DENND1B: variants seen among roughly 807,000 people sequenced by gnomAD.
DENND1B encodes DENN domain-containing protein 1B.
Under a neutral mutation model 90.1 loss-of-function variants are expected in DENND1B, and 59 were observed. The observed-to-expected ratio is 0.65, with a 90% CI of 0.53 to 0.81. The LOEUF (loss-of-function observed/expected upper bound fraction) is 0.81. Ranked by LOEUF, DENND1B falls within the 40% of genes least tolerant of loss-of-function variation. The probability of loss-of-function intolerance (pLI) is 0.00; values close to 1 mark genes in which losing one functional copy is unlikely to be tolerated. For synonymous variants in DENND1B, 337 were observed against 324.6 expected, an observed-to-expected ratio of 1.04 and a Z score of -0.41; for missense variants, 862 against 912.6, an observed-to-expected ratio of 0.94 and a Z score of 0.71.
intron 10 of DENND1B, among the ~76,000 whole-genome samples, chr1:197,639,149 C>T (rs1572156177): frequency 1.3e-5 from 2 of 151,778 alleles, no homozygotes; most frequent in South Asian, 4.2e-4. Context: ...CTGCAACCTC[C>T]GTCTCCCGGG....
intron 7 of DENND1B, among the ~76,000 whole-genome samples, chr1:197,650,119 G>C (rs1268198851): frequency 3.3e-5 from 5 of 151,986 alleles, no homozygotes; most frequent in Non-Finnish European, 2.9e-5. Context: ...CATCACTAAT[G>C]AATCAGGGAA....
At chr1:197,535,888 G>T (rs1167357356) in intron 20 of DENND1B, among the ~76,000 whole-genome samples, 2 of 152,020 alleles carry the variant, frequency 1.3e-5, no homozygotes, top group Non-Finnish European at 2.9e-5. Flanking sequence ...TTCAACTGAG[G>T]GCCTATAAGA....
chr1:197,629,316 G>A (rs1679098373), intron 10 of DENND1B, among the ~76,000 whole-genome samples: 1 of 151,954 alleles, frequency 6.6e-6, no homozygotes. Context: ...AGAAAATGTG[G>A]CACATATACA....
intron 5 of DENND1B, among the ~76,000 whole-genome samples, chr1:197,667,390 C>T (rs540048430): frequency 4.6e-5 from 7 of 152,128 alleles, no homozygotes; most frequent in South Asian, 2.1e-4. Context: ...TTCAAGGACA[C>T]GGAATGAAAC....
intron 15 of DENND1B, among the ~76,000 whole-genome samples, chr1:197,566,523 A>ATC (rs1672683969): frequency 6.6e-6 from 1 of 152,200 alleles, no homozygotes; most frequent in East Asian, 1.9e-4. Context: ...CAGCTCTTAG[A>ATC]TAAGTTTCAT....
intron 15 of DENND1B, among the ~76,000 whole-genome samples, chr1:197,554,565 C>A (rs561578156): frequency 6.6e-6 from 1 of 151,938 alleles, no homozygotes; most frequent in African/African-American, 2.4e-5. Context: ...ATAGGCTGGG[C>A]GTGGTGGCTC....
At chr1:197,546,635 T>C in intron 17 of DENND1B, 98 bp downstream of exon 17, 1 of 1,035,934 alleles carries the variant, frequency 9.7e-7, no homozygotes, top group Non-Finnish European at 1.4e-6. Flanking sequence ...ATTTCAAATA[T>C]TTCAAATAAA....
rs184806740 is a variant in DENND1B at position 197,525,001 on chromosome 1, T to C, written c.1516-12048A>G. On this transcript the variant is annotated intron_variant, in intron 20 of 22. Transcript: ENST00000620048. ...CAGTAGTTTATAATTCATTTCCCCA[T>C]TGTTAATCAGAAACTACATAAAAAC... Among the ~76,000 whole-genome samples the C allele has an allele frequency of 5.3e-5, 8 of 152,240 alleles. No homozygotes were observed. The East Asian group carries it at 5.8e-4, about 11-fold the overall frequency.
At chr1:197,646,115 A>G (rs1680713571) in intron 8 of DENND1B, among the ~76,000 whole-genome samples, 1 of 151,922 alleles carries the variant, frequency 6.6e-6, no homozygotes, top group Non-Finnish European at 1.5e-5. Context: ...CATACATATA[A>G]ACATATATAT....
chr1:197,753,513 C>A (rs1653836954), intron 2 of DENND1B, among the ~76,000 whole-genome samples: 4 of 151,920 alleles, frequency 2.6e-5, no homozygotes, highest in Admixed American at 2.0e-4. Context: ...ATATAATATA[C>A]AACATGATAA....
chr1:197,746,944 G>A, intron 2 of DENND1B: 1 of 1,401,536 alleles, frequency 7.1e-7, no homozygotes, highest in East Asian at 2.3e-5. Context: ...GAGTTCCTCA[G>A]TCTTCTCAAT....
chr1:197,686,708 T>C (rs1368863929), intron 3 of DENND1B, among the ~76,000 whole-genome samples: 1 of 151,972 alleles, frequency 6.6e-6, no homozygotes, highest in African/African-American at 2.4e-5. Context: ...AGTATCTTCC[T>C]AGATATCTGT....
chr1:197,622,725 T>A (rs193138829), intron 10 of DENND1B, among the ~76,000 whole-genome samples: 6 of 151,600 alleles, frequency 4.0e-5, no homozygotes, highest in Admixed American at 2.0e-4. Context: ...CTACAAGTTA[T>A]CATCTCAACT....
chr1:197,738,447 G>C (rs1325394149), intron 2 of DENND1B, among the ~76,000 whole-genome samples: 3 of 152,176 alleles, frequency 2.0e-5, no homozygotes, highest in African/African-American at 7.2e-5. Context: ...CCTCAGGCCA[G>C]AGCTGATAAG....
At chr1:197,523,590 C>G (rs188041097) in intron 20 of DENND1B, among the ~76,000 whole-genome samples, 1 of 152,122 alleles carries the variant, frequency 6.6e-6, no homozygotes, top group Non-Finnish European at 1.5e-5. Flanking sequence ...CTGCTGATAG[C>G]TCAGAGTGAA....
chr1:197,781,805 A>G, the DENND1B span, among the ~76,000 whole-genome samples: 1 of 152,218 alleles, frequency 6.6e-6, no homozygotes, highest in Non-Finnish European at 1.5e-5. Flanking sequence ...CACCTTTACT[A>G]CCAAATCTGA....
At chr1:197,623,566 A>T (rs1049549584) in intron 10 of DENND1B, among the ~76,000 whole-genome samples, 1 of 151,568 alleles carries the variant, frequency 6.6e-6, no homozygotes, top group Non-Finnish European at 1.5e-5. Context: ...AATATTTTGT[A>T]CATTTTTTAA....
intron 1 of DENND1B, among the ~76,000 whole-genome samples, chr1:197,773,191 T>G (rs1656839554): frequency 6.6e-6 from 1 of 152,222 alleles, no homozygotes; most frequent in Non-Finnish European, 1.5e-5. Context: ...AGGTGCCTTG[T>G]CCACTTCACA....
Position 197,743,768 on chromosome 1 carries a change from A to C in DENND1B, c.83-28694T>G, listed in dbSNP as rs191261594. On this transcript the variant is annotated intron_variant, in intron 2 of 22. Transcript: ENST00000620048. ...GAGGCTGAGGCAGTAGGACTGCTTG[A>C]GCCCAGGTGTTCAAGGCCAGCCTGG... 6.4e-4 allele frequency among the ~76,000 whole-genome samples: 98 copies of C among 152,302 alleles called. 1 individual carries two copies. The East Asian group carries it at 0.017, about 26-fold the overall frequency.
Sources: allele counts gnomAD v4.1 joint callset (sites outside exome capture counted in the v4.1 genomes callset), GRCh38; gene constraint gnomAD v4.1.1; transcripts MANE v1.5; gene names NCBI Gene and HGNC (gene_info 2026-07-23, HGNC 2026-07-21).